Variants in ZFAT observed in about 807,000 individuals in gnomAD.
ZFAT encodes zinc finger protein ZFAT.
In ZFAT, 64 loss-of-function variants were observed where a neutral mutation model predicts 117.7. That is an observed-to-expected ratio of 0.54 (90% confidence interval 0.44 to 0.67). ZFAT has a LOEUF of 0.67. ZFAT is among the 30% of genes least tolerant of loss of function. The pLI is 0.00. For synonymous variants in ZFAT, 679 were observed against 615.0 expected, an observed-to-expected ratio of 1.10 and a Z score of -1.54; for missense variants, 1,433 against 1,584.5, an observed-to-expected ratio of 0.90 and a Z score of 1.62.
At position 134,583,820 on chromosome 8, in the gene ZFAT, C is replaced by T. The variant is rs1456231814; in HGVS notation, c.2887+12G>A. 1.2e-6 allele frequency: 2 copies of T among 1,612,652 alleles called. No homozygotes were observed. The highest frequency in any genetic ancestry group is 2.2e-5 in the East Asian group (1 of 44,880). ...TTTAGAGGGGAAAGTTCACCTTGGG[C>T]CATTTACTCACCATCTGCAGTGTGA... is the stretch of plus-strand genomic sequence containing the variant. On this transcript the variant is annotated intron_variant, in intron 10 of 15. Coordinates refer to ENST00000377838, the MANE Select transcript of ZFAT (RefSeq NM_020863.4).
At chr8:134,816,394 G>GA in the ZFAT span, among the ~76,000 whole-genome samples, 3 of 150,202 alleles carry the variant, frequency 2.0e-5, no homozygotes, top group South Asian at 2.1e-4. Context: ...ATCCTGTGAT[G>GA]AAAAAAACAA....
the ZFAT span, among the ~76,000 whole-genome samples, chr8:134,772,582 C>G: frequency 6.6e-6 from 1 of 152,140 alleles, no homozygotes; most frequent in Non-Finnish European, 1.5e-5. Context: ...AGAAGCCATC[C>G]CCATACCATA....
chr8:134,817,394 T>TACACACACACAC, the ZFAT span, among the ~76,000 whole-genome samples: 8 of 125,980 alleles, frequency 6.4e-5, no homozygotes, highest in East Asian at 4.3e-4. Context: ...TCTCTCTCTC[T>TACACACACACAC]ACACACACAC....
At chr8:134,592,321 C>T (rs1826569657) in intron 7 of ZFAT, among the ~76,000 whole-genome samples, 1 of 152,204 alleles carries the variant, frequency 6.6e-6, no homozygotes, top group Admixed American at 6.5e-5. Context: ...CTTTACATTA[C>T]CATATCCTAT....
intron 1 of ZFAT, among the ~76,000 whole-genome samples, chr8:134,710,344 A>C (rs1369093335): frequency 6.6e-6 from 1 of 152,244 alleles, no homozygotes; most frequent in East Asian, 1.9e-4. Flanking sequence ...CTTGCACAGG[A>C]CACTTGCCTG....
intron 11 of ZFAT, among the ~76,000 whole-genome samples, chr8:134,552,388 T>A (rs1458442943): frequency 6.6e-6 from 1 of 152,268 alleles, no homozygotes; most frequent in African/African-American, 2.4e-5. Context: ...GTATTCTATA[T>A]GGCATTCTCA....
intron 1 of ZFAT, among the ~76,000 whole-genome samples, chr8:134,706,584 C>T (rs1269422787): frequency 3.9e-5 from 6 of 152,028 alleles, no homozygotes; most frequent in East Asian, 3.9e-4. Context: ...CCCAGCTACT[C>T]GGGAGGCTGA....
At chr8:134,550,325 A>AAAAAAAAAAC (rs1554643709) in intron 11 of ZFAT, among the ~76,000 whole-genome samples, 1 of 150,536 alleles carries the variant, frequency 6.6e-6, no homozygotes, top group Non-Finnish European at 1.5e-5. Context: ...AAAAAAAAAA[A>AAAAAAAAAAC]AAAAAAACAG....
In ZFAT at chr8:134,712,932, G is replaced by C. The variant is rs1814080808; in HGVS notation, c.-69C>G. Reference sequence around the variant, plus strand: ...CGGGCCCCCTCCCGTGCCGACCGAGGGGGCGGGGCGCCCTGCTGACGCTTC... The same window carrying C: ...CGGGCCCCCTCCCGTGCCGACCGAGCGGGCGGGGCGCCCTGCTGACGCTTC... On this transcript the variant is annotated 5_prime_UTR_variant, in exon 1 of 16. Coordinates refer to ENST00000377838, the MANE Select transcript of ZFAT (RefSeq NM_020863.4). 2.1e-6 allele frequency: 3 copies of C among 1,446,498 alleles called. No individual in the cohort carries two copies. The South Asian group carries it at 4.1e-5, about 20-fold the overall frequency. 89.6% of individuals were successfully genotyped at this position (1,446,498 alleles called of 1,614,324 possible).
chr8:134,482,301 T>C (rs181026360), intron 15 of ZFAT, among the ~76,000 whole-genome samples: 2 of 152,290 alleles, frequency 1.3e-5, no homozygotes, highest in East Asian at 3.9e-4. Flanking sequence ...AACAGGGCTG[T>C]GCAAAAGTCA....
chr8:134,526,718 G>C (rs1821047316), intron 12 of ZFAT, among the ~76,000 whole-genome samples: 1 of 152,128 alleles, frequency 6.6e-6, no homozygotes, highest in Middle Eastern at 3.2e-3. Context: ...TACAACACTG[G>C]GTTGGGCAGT....
chr8:134,584,993 A>G (rs1408848893), intron 9 of ZFAT, among the ~76,000 whole-genome samples: 2 of 152,216 alleles, frequency 1.3e-5, no homozygotes, highest in Admixed American at 6.5e-5. Flanking sequence ...CTTAGGGCCC[A>G]CGCAAAGCCC....
chr8:134,665,143 C>G (rs1009331747), intron 1 of ZFAT, among the ~76,000 whole-genome samples: 1 of 152,230 alleles, frequency 6.6e-6, no homozygotes, highest in Non-Finnish European at 1.5e-5. Flanking sequence ...CCAACTCCTT[C>G]CAGAAGGCAG....
At chr8:134,831,590 G>A in the ZFAT span, among the ~76,000 whole-genome samples, 2 of 152,200 alleles carry the variant, frequency 1.3e-5, no homozygotes, top group African/African-American at 4.8e-5. Flanking sequence ...AAAGCAAGGC[G>A]CCTCGTCCCG....
At chr8:134,539,184 G>C (rs1427543616) in intron 11 of ZFAT, among the ~76,000 whole-genome samples, 1 of 152,172 alleles carries the variant, frequency 6.6e-6, no homozygotes, top group African/African-American at 2.4e-5. Flanking sequence ...CAGCACCAAG[G>C]AAGGGACCTA....
intron 2 of ZFAT, among the ~76,000 whole-genome samples, chr8:134,645,976 G>C (rs553733272): frequency 1.6e-4 from 25 of 152,126 alleles, no homozygotes; most frequent in Non-Finnish European, 3.2e-4. Flanking sequence ...GCCGAGGCGG[G>C]TGGATCACAA....
chr8:134,672,630 T>A (rs984653174), intron 1 of ZFAT, among the ~76,000 whole-genome samples: 12 of 151,956 alleles, frequency 7.9e-5, no homozygotes, highest in African/African-American at 2.7e-4. Context: ...AGAAAAAATG[T>A]AAAAGTAATG....
intron 2 of ZFAT, among the ~76,000 whole-genome samples, chr8:134,641,619 G>T (rs1830588138): frequency 6.6e-6 from 1 of 152,194 alleles, no homozygotes. Context: ...GACAAACCCT[G>T]AGGTCTGAGC....
At chr8:134,715,514 C>T (rs915259413), upstream of ZFAT, among the ~76,000 whole-genome samples, 9 of 152,226 alleles carry the variant, frequency 5.9e-5, no homozygotes, top group African/African-American at 2.2e-4. Flanking sequence ...GGCTCTTCCA[C>T]GGCCTTACTA....
Sources: gnomAD v4.1 joint callset for allele counts (sites outside exome capture counted in the v4.1 genomes callset) on GRCh38, gnomAD v4.1.1 for gene constraint, MANE v1.5 for transcripts, NCBI Gene and HGNC (gene_info 2026-07-23, HGNC 2026-07-21) for gene names.